The following EDEM3 variants were observed in gnomAD, a reference collection of about 807,000 sequenced individuals.
EDEM3 encodes the protein ER degradation-enhancing alpha-mannosidase-like protein 3.
EDEM3 carries 60 observed loss-of-function variants against 110.2 expected under a neutral mutation model. The ratio of observed to expected loss-of-function variants is 0.54; its 90% confidence interval spans 0.44 to 0.67. The LOEUF is 0.67. EDEM3 is among the 30% of genes least tolerant of loss of function. EDEM3 has a pLI of 0.00. For missense variants in EDEM3, 996 were observed against 1,121.0 expected, an observed-to-expected ratio of 0.89 and a Z score of 1.59; for synonymous variants, 352 against 382.9, an observed-to-expected ratio of 0.92 and a Z score of 0.94.
At position 184,734,623 on chromosome 1, in the gene EDEM3, T is replaced by G. The variant is rs774924847; in HGVS notation, c.366A>C (p.Glu122Asp). Residue 122 changes from glutamate (E) to aspartate (D), a missense_variant, in exon 5 of 20, where the codon GAA (glutamate) becomes GAC (aspartate). Transcript: ENST00000318130. ...DTLVVLNKTK[E>D]FEDAVRKVLR... ...AAACTTTTCTCACTGCATCTTCAAA[T>G]TCTTTAGTTTTATTTAAAACCTGGG... is the stretch of plus-strand genomic sequence containing the variant. The G allele has an allele frequency of 2.0e-6, 3 of 1,490,750 alleles. No homozygotes were observed. Among genetic ancestry groups the G allele is most frequent in the Non-Finnish European group, 1.8e-6 (2 of 1,095,584 alleles). The allele number at this position is 1,490,750 out of a possible 1,614,324, so 92.3% of individuals were successfully genotyped here.
intron 19 of EDEM3, among the ~76,000 whole-genome samples, chr1:184,695,232 C>A (rs1030514238): frequency 2.6e-5 from 4 of 151,998 alleles, no homozygotes; most frequent in African/African-American, 9.7e-5. Context: ...TCAGTCTCTG[C>A]CTCTGTGATG....
intron 2 of EDEM3, among the ~76,000 whole-genome samples, chr1:184,741,466 T>C (rs1447335151): frequency 6.6e-6 from 1 of 152,124 alleles, no homozygotes; most frequent in Non-Finnish European, 1.5e-5. Context: ...GTTTCTAATA[T>C]TTTTAATTAC....
intron 1 of EDEM3, 129 bp downstream of exon 1, chr1:184,754,360 G>T: frequency 6.9e-7 from 1 of 1,441,348 alleles, no homozygotes; most frequent in Non-Finnish European, 9.3e-7. Context: ...CCCCTCTAGG[G>T]TTCTCGCGCG....
intron 9 of EDEM3, among the ~76,000 whole-genome samples, chr1:184,719,864 G>T (rs911256766): frequency 2.2e-4 from 34 of 152,184 alleles, no homozygotes; most frequent in African/African-American, 7.2e-4. Context: ...GCCCGTGGTT[G>T]GTATGACTTT....
intron 19 of EDEM3, among the ~76,000 whole-genome samples, chr1:184,697,019 T>C (rs1571341865): frequency 6.6e-6 from 1 of 151,880 alleles, no homozygotes; most frequent in Non-Finnish European, 1.5e-5. Context: ...TCAAAGCAAC[T>C]TTAATAAAAA....
intron 19 of EDEM3, 103 bp from the exon 20 acceptor site, chr1:184,694,575 A>C: frequency 8.9e-7 from 1 of 1,120,170 alleles, no homozygotes; most frequent in Non-Finnish European, 1.2e-6. Context: ...ATAAAACGTG[A>C]AAGAGACTCA....
At chr1:184,720,161 A>G (rs1315574586) in intron 9 of EDEM3, among the ~76,000 whole-genome samples, 1 of 152,210 alleles carries the variant, frequency 6.6e-6, no homozygotes, top group Non-Finnish European at 1.5e-5. Flanking sequence ...GCCAACAAAA[A>G]TAGTTATTTG....
At chr1:184,744,270 ATATATAT>A (rs1652301620) in intron 2 of EDEM3, among the ~76,000 whole-genome samples, 1 of 118,320 alleles carries the variant, frequency 8.5e-6, no homozygotes, top group African/African-American at 3.4e-5. Flanking sequence ...ATATATATAT[ATATATAT>A]ATATATATAT....
Position 184,693,239 on chromosome 1 carries a change from T to G in EDEM3, c.*824A>C, listed in dbSNP as rs1649148277. Reference sequence around the variant, plus strand: ...ACAAGGATATAATGCTAGGTTCCATTTCAGAGTAGTCACAGCTTTCCCTAT... The same window carrying G: ...ACAAGGATATAATGCTAGGTTCCATGTCAGAGTAGTCACAGCTTTCCCTAT... On this transcript the variant is annotated 3_prime_UTR_variant, in exon 20 of 20. Transcript: ENST00000318130. 1 of 154,882 alleles carries G rather than the reference T, an allele frequency of 6.5e-6. No homozygotes were observed. 9.6% of individuals were successfully genotyped at this position (154,882 alleles called of 1,614,324 possible).
chr1:184,692,300 A>G lies in EDEM3; in HGVS notation c.*1763T>C, dbSNP rs1415259281. The G allele has an allele frequency of 6.6e-6, 1 of 152,120 alleles. No individual in the cohort carries two copies. The highest frequency in any genetic ancestry group is 1.9e-4 in the East Asian group (1 of 5,204). 9.4% of individuals were successfully genotyped at this position (152,120 alleles called of 1,614,324 possible). ...TCTCACATGCAGAGAGACTAAAAATATCCATTTTGGTTTCAGGTATAATTA... is the reference window on the plus strand; with the variant it reads ...TCTCACATGCAGAGAGACTAAAAATGTCCATTTTGGTTTCAGGTATAATTA... On this transcript the variant is annotated 3_prime_UTR_variant, in exon 20 of 20. Coordinates refer to ENST00000318130, the MANE Select transcript of EDEM3 (RefSeq NM_025191.4).
intron 15 of EDEM3, among the ~76,000 whole-genome samples, chr1:184,711,160 G>A (rs529822033): frequency 5.9e-5 from 9 of 151,994 alleles, no homozygotes; most frequent in East Asian, 3.9e-4. Flanking sequence ...GTGCAATGGC[G>A]TGATCTTGGC....
intron 1 of EDEM3, 96 bp from the exon 2 acceptor site, chr1:184,749,688 AT>A (rs1395925900): frequency 1.2e-5 from 13 of 1,051,320 alleles, no homozygotes; most frequent in Non-Finnish European, 1.6e-5. Flanking sequence ...CTCATAAAAA[AT>A]ATACCAATAA....
At chr1:184,714,934 T>A (rs1236330221) in intron 13 of EDEM3, among the ~76,000 whole-genome samples, 1 of 152,086 alleles carries the variant, frequency 6.6e-6, no homozygotes, top group African/African-American at 2.4e-5. Flanking sequence ...TCCTAAAAAA[T>A]CTAAAGCACA....
Position 184,717,503 on chromosome 1 carries a change from G to A in EDEM3, c.1245+37C>T, listed in dbSNP as rs368185561. On this transcript the variant is annotated intron_variant, in intron 12 of 19. Transcript: ENST00000318130. ...AATGAGAGATCCAACAGAGAATGGA[G>A]GCTAAACTTTAAGTAAAATGGGGTA... The A allele has an allele frequency of 1.9e-5, 30 of 1,541,718 alleles. No homozygotes were observed. In the African/African-American group the frequency reaches 3.8e-4, roughly 20 times the overall value.
rs193174988 is a variant in EDEM3, at chr1:184,730,185, C to T, written c.612+2652G>A. Reference sequence around the variant, plus strand: ...TGAAAAGCAATTGGGCAACAAGTACCTGATATCTTAAAAAGCATTCCCTAC... The same window carrying T: ...TGAAAAGCAATTGGGCAACAAGTACTTGATATCTTAAAAAGCATTCCCTAC... On this transcript the variant is annotated intron_variant, in intron 6 of 19. Coordinates refer to ENST00000318130, the MANE Select transcript of EDEM3 (RefSeq NM_025191.4). Among the ~76,000 whole-genome samples, 4 of 152,254 alleles carry T rather than the reference C, an allele frequency of 2.6e-5. No individual in the cohort carries two copies. In the East Asian group the frequency reaches 7.7e-4, roughly 29 times the overall value.
chr1:184,699,022 G>C (rs1649474054), intron 19 of EDEM3, among the ~76,000 whole-genome samples: 1 of 151,814 alleles, frequency 6.6e-6, no homozygotes, highest in Non-Finnish European at 1.5e-5. Context: ...AAAGTCGTAA[G>C]AGCATAACAA....
intron 8 of EDEM3, 53 bp from the exon 9 acceptor site, chr1:184,721,439 T>C (rs556031557): frequency 6.9e-7 from 1 of 1,446,660 alleles, no homozygotes; most frequent in Admixed American, 2.2e-5. Context: ...ACCGTTAAAT[T>C]TTTTTAAAAA....
intron 2 of EDEM3, among the ~76,000 whole-genome samples, chr1:184,740,953 A>C (rs1229343192): frequency 1.3e-5 from 2 of 152,220 alleles, no homozygotes; most frequent in African/African-American, 2.4e-5. Flanking sequence ...GCAAAGGACA[A>C]AATATTTGAA....
At chr1:184,734,844 A>G (rs558354794) in intron 4 of EDEM3, among the ~76,000 whole-genome samples, 2 of 152,344 alleles carry the variant, frequency 1.3e-5, no homozygotes, top group Admixed American at 6.5e-5. Flanking sequence ...ATCTTTATAC[A>G]CTTCTTTGCA....
Sources: allele counts gnomAD v4.1 joint callset (sites outside exome capture counted in the v4.1 genomes callset), GRCh38; gene constraint gnomAD v4.1.1; transcripts MANE v1.5; gene names NCBI Gene and HGNC (gene_info 2026-07-23, HGNC 2026-07-21).